XPA: variants seen among roughly 807,000 people sequenced by gnomAD.
The protein encoded by XPA is DNA repair protein complementing XP-A cells.
XPA carries 27 observed loss-of-function variants against 35.7 expected under a neutral mutation model. The observed-to-expected ratio is 0.76, with a 90% CI of 0.56 to 1.04. The LOEUF (loss-of-function observed/expected upper bound fraction) is 1.04, where lower values mean the gene tolerates loss of function less well. Among genes scored for constraint, XPA ranks in the 50% least tolerant of loss-of-function variants. The pLI is 0.00. For synonymous variants in XPA, 133 were observed against 118.4 expected (o/e 1.12, Z -0.80); for missense variants, 354 against 342.7 (o/e 1.03, Z -0.26).
chr9:97,691,415 T>C (rs1828883783), intron 2 of XPA, among the ~76,000 whole-genome samples: 1 of 152,092 alleles, frequency 6.6e-6, no homozygotes, highest in Non-Finnish European at 1.5e-5. Context: ...TAAATTTTAC[T>C]AGTAAGGCTG....
chr9:97,663,353 T>C, the XPA span, among the ~76,000 whole-genome samples: 3 of 152,206 alleles, frequency 2.0e-5, no homozygotes, highest in Non-Finnish European at 4.4e-5. Context: ...TTGATATATA[T>C]TGTGTATGAC....
At chr9:97,688,777 A>G (rs1177007758) in intron 3 of XPA, among the ~76,000 whole-genome samples, 1 of 152,130 alleles carries the variant, frequency 6.6e-6, no homozygotes, top group Non-Finnish European at 1.5e-5. Flanking sequence ...CAACAAGCCA[A>G]TCATGATGGC....
chr9:97,679,431 C>T (rs3176726), intron 5 of XPA, among the ~76,000 whole-genome samples: 1 of 152,044 alleles, frequency 6.6e-6, no homozygotes, highest in African/African-American at 2.4e-5. Flanking sequence ...ACAGGAGCTA[C>T]CTTGAAGGGG....
the XPA span, chr9:97,668,746 CTT>C: frequency 9.0e-6 from 12 of 1,336,564 alleles, no homozygotes; most frequent in Middle Eastern, 1.9e-4. Context: ...GAATATAAGT[CTT>C]AACATTTGGC....
At chr9:97,688,180 A>G (rs1828778491) in intron 3 of XPA, among the ~76,000 whole-genome samples, 1 of 152,184 alleles carries the variant, frequency 6.6e-6, no homozygotes. Context: ...AGACTTTTCA[A>G]GGTGTTGGCA....
At chr9:97,683,219 A>G (rs1828599378) in intron 5 of XPA, among the ~76,000 whole-genome samples, 1 of 152,178 alleles carries the variant, frequency 6.6e-6, no homozygotes, top group Non-Finnish European at 1.5e-5. Flanking sequence ...GTATATAACT[A>G]ATCTATCACT....
the XPA span, chr9:97,662,937 C>G: frequency 6.4e-7 from 1 of 1,567,502 alleles, no homozygotes; most frequent in Non-Finnish European, 8.7e-7. Context: ...GTATTTTTTT[C>G]CCATCATTAT....
In XPA at chr9:97,684,936, A is replaced by G. The variant is rs1215091800; in HGVS notation, c.660T>C (p.Asp220=). 5 of 1,613,280 alleles carry G rather than the reference A, an allele frequency of 3.1e-6. No individual in the cohort carries two copies. Among genetic ancestry groups the G allele is most frequent in the Middle Eastern group, 1.6e-4 (1 of 6,070 alleles). ...GTGGCCATCTACCTTTTACTTTTTTATCAAATTTCTTCTGTTTCATTTTTT... is the reference window on the plus strand; with the variant it reads ...GTGGCCATCTACCTTTTACTTTTTTGTCAAATTTCTTCTGTTTCATTTTTT... The part of the protein sequence containing the change: ...NREKMKQKKF[D]KKVKELRRAV... Residue 220 remains aspartate, a synonymous_variant, in exon 5 of 6, where the codon GAT becomes GAC. Transcript: ENST00000375128.
At chr9:97,696,905 C>T (rs552050533) in intron 1 of XPA, among the ~76,000 whole-genome samples, 6 of 152,300 alleles carry the variant, frequency 3.9e-5, no homozygotes, top group Admixed American at 2.6e-4. Flanking sequence ...GGTCAGGAGG[C>T]CCGCGTGCGA....
chr9:97,678,357 C>T (rs1401796222), intron 5 of XPA, among the ~76,000 whole-genome samples: 1 of 151,970 alleles, frequency 6.6e-6, no homozygotes, highest in Non-Finnish European at 1.5e-5. Context: ...GCTGAGGTTG[C>T]GCCACTGCAC....
chr9:97,685,114 C>A, intron 4 of XPA, 74 bp from the exon 5 acceptor site: 1 of 1,168,478 alleles, frequency 8.6e-7, no homozygotes, highest in East Asian at 2.4e-5. Context: ...ACTGTCAAAT[C>A]CAAAGGTACC....
At chr9:97,657,115 C>T in the XPA span, among the ~76,000 whole-genome samples, 1 of 152,116 alleles carries the variant, frequency 6.6e-6, no homozygotes, top group African/African-American at 2.4e-5. Flanking sequence ...TACAGGCGCC[C>T]GCCACCACGC....
chr9:97,655,906 T>G, the XPA span: 1 of 1,356,306 alleles, frequency 7.4e-7, no homozygotes, highest in Non-Finnish European at 1.0e-6. Flanking sequence ...CAATTATAAC[T>G]TAACAAAACT....
In XPA at chr9:97,675,499, A is replaced by G. The variant is rs563633374; in HGVS notation, c.762T>C (p.Asp254=). The change falls in exon 6 of 6, where the codon GAT becomes GAC. Residue 254 remains aspartate, a synonymous_variant. Transcript: ENST00000375128. ...HEYGPEENLE[D]DMYRKTCTMC... ...TAGTACAAGTCTTACGGTACATGTCATCTTCTAGGTTTTCTTCTGGTCCAT... is the reference window on the plus strand; with the variant it reads ...TAGTACAAGTCTTACGGTACATGTCGTCTTCTAGGTTTTCTTCTGGTCCAT... 11 of 1,613,966 alleles carry G rather than the reference A, an allele frequency of 6.8e-6. No homozygotes were observed. Among genetic ancestry groups the G allele is most frequent in the African/African-American group, 2.7e-5 (2 of 75,004 alleles).
At chr9:97,658,097 C>T in the XPA span, among the ~76,000 whole-genome samples, 1 of 151,574 alleles carries the variant, frequency 6.6e-6, no homozygotes, top group African/African-American at 2.4e-5. Context: ...TATTTAGGAG[C>T]CAAGATCTGG....
chr9:97,669,583 C>T, the XPA span: 1 of 1,579,772 alleles, frequency 6.3e-7, no homozygotes, highest in African/African-American at 1.3e-5. Flanking sequence ...AACTTCTTCT[C>T]CCTTTCCAGC....
At chr9:97,663,029 C>G in the XPA span, 1 of 1,611,764 alleles carries the variant, frequency 6.2e-7, no homozygotes. Context: ...TGTTTGAGGT[C>G]TGGAGGAACC....
the XPA span, among the ~76,000 whole-genome samples, chr9:97,669,225 C>G: frequency 6.6e-6 from 1 of 151,866 alleles, no homozygotes; most frequent in Admixed American, 6.6e-5. Context: ...TTGTGGGTTG[C>G]TTTTTTTATA....
chr9:97,691,879 C>CTAAA lies in XPA; in HGVS notation c.283+1766_283+1769dup, dbSNP rs1265891437. Among the ~76,000 whole-genome samples, 324 of 87,532 alleles carry CTAAA rather than the reference C, an allele frequency of 3.7e-3. 2 individuals are homozygous for CTAAA. Among genetic ancestry groups the CTAAA allele is most frequent in the Non-Finnish European group, 5.1e-3 (251 of 49,162 alleles). The allele number at this position is 87,532 out of a possible 152,430, so 57.4% of individuals were successfully genotyped here. A position where few individuals can be genotyped will look rare whatever the true frequency, so the allele number is the denominator to read the frequency against. On this transcript the variant is annotated intron_variant, in intron 2 of 5. Coordinates refer to ENST00000375128, the MANE Select transcript of XPA (RefSeq NM_000380.4). ...GGCTGGCGACAGAGCAAGGCTCTTTCTAAATAAATATATATATATATATAT... is the reference window on the plus strand; with the variant it reads ...GGCTGGCGACAGAGCAAGGCTCTTTCTAAATAAATAAATATATATATATATATAT...
Sources: gnomAD v4.1 joint callset for allele counts (sites outside exome capture counted in the v4.1 genomes callset) on GRCh38, gnomAD v4.1.1 for gene constraint, MANE v1.5 for transcripts, NCBI Gene and HGNC (gene_info 2026-07-23, HGNC 2026-07-21) for gene names.